Variants in TOGARAM1 observed in about 807,000 individuals in gnomAD.
TOGARAM1 encodes TOG array regulator of axonemal microtubules 1, also known as TOG array regulator of axonemal microtubules protein 1.
Under a neutral mutation model 166.6 loss-of-function variants are expected in TOGARAM1, and 100 were observed. The observed-to-expected ratio is 0.60, with a 90% confidence interval of 0.51 to 0.71. The LOEUF is 0.71. Among genes scored for constraint, TOGARAM1 ranks in the 30% least tolerant of loss-of-function variants. The probability of loss-of-function intolerance (pLI) is 0.00; values close to 1 mark genes in which losing one functional copy is unlikely to be tolerated. For missense variants in TOGARAM1, 2,029 were observed against 2,102.7 expected (o/e 0.96, Z 0.69); for synonymous variants, 758 against 763.8 (o/e 0.99, Z 0.13).
In TOGARAM1 at chr14:45,049,073, A is replaced by C. The variant is rs964693435; in HGVS notation, c.4313+2370A>C. On this transcript the variant is annotated intron_variant, in intron 14 of 19. Transcript: ENST00000361462. ...CAAACTTCTCAAAAAAAAAAAAAAA[A>C]AAAAAAAAAAAAAGACTGAGGTCTG... is the stretch of plus-strand genomic sequence containing the variant. 1.9e-3 allele frequency among the ~76,000 whole-genome samples: 279 copies of C among 150,600 alleles called. 2 individuals are homozygous for C. Among genetic ancestry groups the C allele is most frequent in the African/African-American group, 6.0e-3 (248 of 41,130 alleles).
Position 44,963,904 on chromosome 14 carries a change from A to T in TOGARAM1, c.1483A>T (p.Ile495Phe), listed in dbSNP as rs772710415. 6.2e-7 allele frequency: 1 copy of T among 1,613,994 alleles called. No homozygotes were observed. Among genetic ancestry groups the T allele is most frequent in the Admixed American group, 1.7e-5 (1 of 60,016 alleles). The change falls in exon 1 of 20, where the codon ATC becomes TTC. Residue 495 changes from isoleucine (I) to phenylalanine (F), a missense_variant. Ile to Phe is a conservative substitution (Grantham distance 21). Around this residue, in one of 2 missense-constraint regions of TOGARAM1, gnomAD observed 1,453 missense variants for 1,432.2 expected, o/e 1.01. Coordinates refer to ENST00000361462, the MANE Select transcript of TOGARAM1 (RefSeq NM_001308120.2). ...RVREEVVNIC[I>F]CSLLTYPSED... is the part of the protein sequence containing the mutation. The stretch of plus-strand genomic sequence containing the variant: ...GAGAGAGGAGGTGGTGAACATTTGC[A>T]TCTGCTCCCTGCTGACCTATCCTAG...
At chr14:45,044,524 G>C (rs896075553) in intron 12 of TOGARAM1, 111 bp from the exon 13 acceptor site, 14 of 736,542 alleles carry the variant, frequency 1.9e-5, no homozygotes, top group Non-Finnish European at 2.7e-5. Flanking sequence ...CTGGTCGACA[G>C]AGCGAGACCC....
At chr14:45,060,120 G>A (rs546830565) in intron 16 of TOGARAM1, among the ~76,000 whole-genome samples, 43 of 149,742 alleles carry the variant, frequency 2.9e-4, no homozygotes, top group African/African-American at 9.4e-4. Flanking sequence ...GGGTTTCACC[G>A]TGTTAGCCAG....
intron 4 of TOGARAM1, among the ~76,000 whole-genome samples, chr14:45,004,736 G>A (rs1711666037): frequency 1.3e-5 from 2 of 152,094 alleles, no homozygotes; most frequent in South Asian, 2.1e-4. Flanking sequence ...ACAGGCTTGA[G>A]CCACTGTGCT....
At chr14:45,027,515 C>T in intron 9 of TOGARAM1, 41 bp downstream of exon 9, 1 of 1,490,472 alleles carries the variant, frequency 6.7e-7, no homozygotes, top group Non-Finnish European at 9.2e-7. Flanking sequence ...TTTAAGCTTA[C>T]AGTATGTCAT....
At chr14:45,071,062 C>T (rs1883357021) in intron 18 of TOGARAM1, among the ~76,000 whole-genome samples, 1 of 152,044 alleles carries the variant, frequency 6.6e-6, no homozygotes. Context: ...GCTGGGATTA[C>T]AGGCACGCAC....
chr14:45,054,453 A>ATAC lies in TOGARAM1; in HGVS notation c.4465_4467dup (p.Thr1489dup), dbSNP rs1566667658. The ATAC allele has an allele frequency of 6.2e-7, 1 of 1,612,044 alleles. No individual in the cohort carries two copies. The highest frequency in any genetic ancestry group is 8.5e-7 in the Non-Finnish European group (1 of 1,178,520). ...CAGGGTTTGGGGGAGATACCATTAG[A>ATAC]TACTCCTTCAGCAAAAGGAAGACGA... On this transcript the variant is annotated inframe_insertion, in exon 16 of 20. Coordinates refer to ENST00000361462, the MANE Select transcript of TOGARAM1 (RefSeq NM_001308120.2).
In TOGARAM1 at chr14:44,962,400, C is replaced by A. The variant is rs1041356128; in HGVS notation, c.-22C>A. 6.6e-7 allele frequency: 1 copy of A among 1,520,432 alleles called. No homozygotes were observed. 94.2% of individuals were successfully genotyped at this position (1,520,432 alleles called of 1,614,324 possible). ...GGAGACGGCAATGGTTTCTTCCAAC[C>A]ACCACCACCTGACAACCCTGCATGG... On this transcript the variant is annotated 5_prime_UTR_variant, in exon 1 of 20. Transcript: ENST00000361462.
At chr14:44,986,499 G>A (rs1015256140) in intron 1 of TOGARAM1, among the ~76,000 whole-genome samples, 24 of 152,026 alleles carry the variant, frequency 1.6e-4, no homozygotes, top group African/African-American at 5.1e-4. Flanking sequence ...TCTGTTGCCT[G>A]TTGCCTAGGC....
At chr14:45,047,390 T>G (rs1882122838) in intron 14 of TOGARAM1, among the ~76,000 whole-genome samples, 1 of 131,344 alleles carries the variant, frequency 7.6e-6, no homozygotes, top group African/African-American at 3.5e-5. Context: ...AGACTCTGTC[T>G]CAAAAAAAAA....
intron 10 of TOGARAM1, among the ~76,000 whole-genome samples, chr14:45,030,926 C>T (rs1296660690): frequency 6.6e-6 from 1 of 152,098 alleles, no homozygotes; most frequent in Non-Finnish European, 1.5e-5. Context: ...AGTTAGAATA[C>T]CTACCTCAGC....
intron 19 of TOGARAM1, among the ~76,000 whole-genome samples, chr14:45,072,780 T>C (rs1218165402): frequency 6.6e-6 from 1 of 151,764 alleles, no homozygotes; most frequent in African/African-American, 2.4e-5. Flanking sequence ...TGCAAAGGAG[T>C]ATCTAGTAGA....
intron 10 of TOGARAM1, 102 bp from the exon 11 acceptor site, chr14:45,032,121 C>A: frequency 2.0e-6 from 2 of 1,024,420 alleles, no homozygotes; most frequent in Non-Finnish European, 2.8e-6. Flanking sequence ...GATCGTACTA[C>A]TGCACCCTAG....
chr14:45,059,713 C>A (rs538631115), intron 16 of TOGARAM1, among the ~76,000 whole-genome samples: 3 of 151,848 alleles, frequency 2.0e-5, no homozygotes, highest in Non-Finnish European at 4.4e-5. Flanking sequence ...AAAAATTATA[C>A]GAATACATCA....
In TOGARAM1 at chr14:44,971,801, T is replaced by C. The variant is rs1053643701; in HGVS notation, c.2046+7334T>C. ...ACTTGAGATTTCTTTGACTTGTATG[T>C]AACTTAGAAGTGTATTTAGTCTACA... On this transcript the variant is annotated intron_variant, in intron 1 of 19. Coordinates refer to ENST00000361462, the MANE Select transcript of TOGARAM1 (RefSeq NM_001308120.2). 3.3e-5 allele frequency among the ~76,000 whole-genome samples: 5 copies of C among 152,242 alleles called. No homozygotes were observed. In the East Asian group the frequency reaches 7.7e-4, roughly 23 times the overall value.
chr14:45,016,058 A>C (rs944026221), intron 7 of TOGARAM1, among the ~76,000 whole-genome samples: 1 of 152,118 alleles, frequency 6.6e-6, no homozygotes, highest in African/African-American at 2.4e-5. Flanking sequence ...GGATTAAAAA[A>C]AATTTTTTTT....
In TOGARAM1 at chr14:45,032,289, AAAT is replaced by A. The variant is rs1281019742; in HGVS notation, c.3729_3731del (p.Ile1243del). ...ATGCCTTCTGTCACTCATAGTCCAGAAATAATGGATCTGTCAGAACTACGACCA... is the reference window on the plus strand; with the variant it reads ...ATGCCTTCTGTCACTCATAGTCCAGAAATGGATCTGTCAGAACTACGACCA... On this transcript the variant is annotated inframe_deletion, in exon 11 of 20. Transcript: ENST00000361462. The A allele has an allele frequency of 6.2e-7, 1 of 1,614,018 alleles. No homozygotes were observed. Among genetic ancestry groups the A allele is most frequent in the African/African-American group, 1.3e-5 (1 of 74,934 alleles).
In TOGARAM1 at chr14:45,006,000, T is replaced by G. The variant is rs1358406155; in HGVS notation, c.2645-8T>G. On this transcript the variant is annotated splice_region_variant and splice_polypyrimidine_tract_variant and intron_variant, in intron 4 of 19. Transcript: ENST00000361462. Reference sequence around the variant, plus strand: ...AAAGAAAAAGTAAAATATCTATTTTTCATGCAGGAGAAAATTCTCAAGAAA... The same window carrying G: ...AAAGAAAAAGTAAAATATCTATTTTGCATGCAGGAGAAAATTCTCAAGAAA... The G allele has an allele frequency of 1.3e-6, 2 of 1,533,288 alleles. No homozygotes were observed. The highest frequency in any genetic ancestry group is 2.8e-5 in the African/African-American group (2 of 71,834). 95.0% of individuals were successfully genotyped at this position (1,533,288 alleles called of 1,614,324 possible).
intron 1 of TOGARAM1, among the ~76,000 whole-genome samples, chr14:44,985,880 A>G (rs555183054): frequency 1.6e-4 from 24 of 152,374 alleles, no homozygotes; most frequent in Middle Eastern, 3.4e-3. Flanking sequence ...GAAATTGTTC[A>G]GGATCTAAAG....
Sources: gnomAD v4.1 joint callset for allele counts (sites outside exome capture counted in the v4.1 genomes callset) on GRCh38, gnomAD v4.1.1 for gene constraint, gnomAD v4.1.1 regional missense constraint, MANE v1.5 for transcripts, NCBI Gene and HGNC (gene_info 2026-07-23, HGNC 2026-07-21) for gene names.